Variants in AMIGO3 observed in about 807,000 individuals in gnomAD.
AMIGO3 encodes adhesion molecule with Ig like domain 3.
AMIGO3 carries 6 observed loss-of-function variants against 4.3 expected under a neutral mutation model. That is an observed-to-expected ratio of 1.39 (90% CI 0.76 to 2.75). The LOEUF is 2.75. Among genes scored for constraint, AMIGO3 ranks in the 30% most tolerant of loss-of-function variants. The pLI, the probability that AMIGO3 is intolerant of heterozygous loss-of-function variation, is 0.00. For missense variants in AMIGO3, 771 were observed against 692.1 expected (o/e 1.11, Z -1.28); for synonymous variants, 315 against 320.0 (o/e 0.98, Z 0.17).
In AMIGO3 at chr3:49,719,307, C is replaced by A; in HGVS notation, c.159G>T (p.Gln53His). 2.5e-6 allele frequency: 4 copies of A among 1,613,252 alleles called. No individual in the cohort carries two copies. Among genetic ancestry groups the A allele is most frequent in the Non-Finnish European group, 3.4e-6 (4 of 1,180,014 alleles). The part of the protein sequence containing the change: ...DLLSCTGLGL[Q>H]DVPAELPAAT... ...CGGCAGGTAACTCGGCTGGCACGTCCTGCAGCCCTAGGCCAGTGCAGCTTA... is the reference window on the plus strand; with the variant it reads ...CGGCAGGTAACTCGGCTGGCACGTCATGCAGCCCTAGGCCAGTGCAGCTTA... Residue 53 changes from glutamine (Q) to histidine (H), a missense_variant, in exon 1 of 1, where the codon CAG becomes CAT. By Grantham distance (24) the Gln-to-His change is conservative. Coordinates refer to ENST00000320431, the MANE Select transcript of AMIGO3 (RefSeq NM_198722.3).
chr3:49,718,596 C>T lies in AMIGO3; in HGVS notation c.870G>A (p.Ala290=), dbSNP rs1405133501. ...GLERPEEHLY[A]LVGRSLRLYC... ...AAAGCCTCAGGGACCGACCCACCAG[C>T]GCGTACAGGTGCTCTTCCGGCCGCT... The change falls in exon 1 of 1, where the codon GCG becomes GCA. Residue 290 remains alanine (A), a synonymous_variant. Transcript: ENST00000320431. The T allele has an allele frequency of 1.2e-6, 2 of 1,613,024 alleles. No individual in the cohort carries two copies. Among genetic ancestry groups the T allele is most frequent in the Non-Finnish European group, 1.7e-6 (2 of 1,179,962 alleles).
chr3:49,717,703 A>T lies in AMIGO3; in HGVS notation c.*248T>A, dbSNP rs1403629936. The T allele has an allele frequency of 3.3e-5, 19 of 582,938 alleles. No homozygotes were observed. The South Asian group carries it at 3.8e-4, about 12-fold the overall frequency. 36.1% of individuals were successfully genotyped at this position (582,938 alleles called of 1,614,324 possible). ...CTAGGAAGTCCGCGGGAAAGCAGGA[A>T]CTAGCACACCTTGCAGGGCCTGGGG... is the stretch of plus-strand genomic sequence containing the variant. On this transcript the variant is annotated 3_prime_UTR_variant, in exon 1 of 1. Coordinates refer to ENST00000320431, the MANE Select transcript of AMIGO3 (RefSeq NM_198722.3).
rs998577535 is a variant in AMIGO3 at position 49,719,636 on chromosome 3, G to A, written c.-171C>T. ...TACTCTCCGGTTCCCAGGTTGTGAG[G>A]CGGTGCGGCACTCTTAGCCGCGCTC... On this transcript the variant is annotated 5_prime_UTR_variant, in exon 1 of 1. Coordinates refer to ENST00000320431, the MANE Select transcript of AMIGO3 (RefSeq NM_198722.3). 3.4e-5 allele frequency: 21 copies of A among 612,824 alleles called. No individual in the cohort carries two copies. The highest frequency in any genetic ancestry group is 6.1e-5 in the Non-Finnish European group (21 of 345,698). The allele number at this position is 612,824 out of a possible 1,614,324, so 38.0% of individuals were successfully genotyped here.
Position 49,719,178 on chromosome 3 carries a change from T to C in AMIGO3, c.288A>G (p.Glu96=), listed in dbSNP as rs1303097771. 14 of 1,613,434 alleles carry C rather than the reference T, an allele frequency of 8.7e-6. No individual in the cohort carries two copies. Among genetic ancestry groups the C allele is most frequent in the African/African-American group, 2.7e-5 (2 of 75,028 alleles). Residue 96 remains glutamate, a synonymous_variant, in exon 1 of 1, where the codon GAA becomes GAG. Coordinates refer to ENST00000320431, the MANE Select transcript of AMIGO3 (RefSeq NM_198722.3). The part of the protein sequence containing the change: ...QLRALHLDHN[E]LDALGRGVFV... ...AGACGCCGCGACCCAGCGCATCTAGTTCGTTGTGGTCTAGGTGCAGGGCGC... is the reference window on the plus strand; with the variant it reads ...AGACGCCGCGACCCAGCGCATCTAGCTCGTTGTGGTCTAGGTGCAGGGCGC...
At position 49,718,801 on chromosome 3, in the gene AMIGO3, G is replaced by A; in HGVS notation, c.665C>T (p.Pro222Leu). 1.2e-6 allele frequency: 2 copies of A among 1,613,226 alleles called. No homozygotes were observed. Among genetic ancestry groups the A allele is most frequent in the Non-Finnish European group, 1.7e-6 (2 of 1,179,950 alleles). ...CAGGTGGTAGAGGCGGCAGTCGCAA[G>A]GCAAAGGGTTGTTGTGCAAGTAGAG... is the stretch of plus-strand genomic sequence containing the variant. ...NGLYLHNNPL[P>L]CDCRLYHLLQ... Residue 222 changes from proline (P) to leucine (L), a missense_variant, in exon 1 of 1, where the codon CCT (proline) becomes CTT (leucine). Coordinates refer to ENST00000320431, the MANE Select transcript of AMIGO3 (RefSeq NM_198722.3).
Position 49,718,742 on chromosome 3 carries a change from C to A in AMIGO3, c.724G>T (p.Val242Leu). The A allele has an allele frequency of 6.2e-7, 1 of 1,613,074 alleles. No individual in the cohort carries two copies. The highest frequency in any genetic ancestry group is 2.2e-5 in the East Asian group (1 of 44,870). Residue 242 changes from valine (V) to leucine (L), a missense_variant, in exon 1 of 1, where the codon GTG (valine) becomes TTG (leucine). Transcript: ENST00000320431. ...ACGTACTCGCGCGCAAAGTCGCGCA[C>A]GGCGCTCAGGCCCCGCTGGTGCCAG... ...QRWHQRGLSA[V>L]RDFAREYVCL...
Position 49,719,365 on chromosome 3 carries a change from C to T in AMIGO3, c.101G>A (p.Cys34Tyr), listed in dbSNP as rs1269360142. 1.2e-6 allele frequency: 2 copies of T among 1,613,438 alleles called. No homozygotes were observed. Among genetic ancestry groups the T allele is most frequent in the Non-Finnish European group, 1.7e-6 (2 of 1,180,042 alleles). Residue 34 changes from cysteine (C) to tyrosine (Y), a missense_variant, in exon 1 of 1, where the codon TGC (cysteine) becomes TAC (tyrosine). Physicochemically the swap from Cys to Tyr is radical, Grantham distance 194. Coordinates refer to ENST00000320431, the MANE Select transcript of AMIGO3 (RefSeq NM_198722.3). ...EGFPPRALHN[C>Y]PYKCICAADL... ...GGCAGCGCAGATACATTTGTAGGGG[C>T]AGTTGTGGAGCGCACGGGGCGGGAA...
chr3:49,717,995 C>G lies in AMIGO3; in HGVS notation c.1471G>C (p.Glu491Gln). Residue 491 changes from glutamate (E) to glutamine (Q), a missense_variant, in exon 1 of 1, where the codon GAG becomes CAG. Glu to Gln is a conservative substitution (Grantham distance 29). Coordinates refer to ENST00000320431, the MANE Select transcript of AMIGO3 (RefSeq NM_198722.3). ...PGGLQLKAGS[E>Q]SASSIGSEGP... ...TCGGAGCCTATGGAGCTGGCGGACT[C>G]AGAGCCAGCCTTCAGCTGCAGGCCT... 6.2e-7 allele frequency: 1 copy of G among 1,613,644 alleles called. No individual in the cohort carries two copies.
Position 49,719,380 on chromosome 3 carries a change from C to CG in AMIGO3, c.85dup (p.Arg29ProfsTer91). The CG allele has an allele frequency of 6.2e-7, 1 of 1,613,602 alleles. No individual in the cohort carries two copies. Among genetic ancestry groups the CG allele is most frequent in the Non-Finnish European group, 8.5e-7 (1 of 1,180,032 alleles). On this transcript the variant is annotated frameshift_variant, in exon 1 of 1. Coordinates refer to ENST00000320431, the MANE Select transcript of AMIGO3 (RefSeq NM_198722.3). LOFTEE classifies it low-confidence loss of function (END_TRUNC). Reference sequence around the variant, plus strand: ...TTTGTAGGGGCAGTTGTGGAGCGCACGGGGCGGGAAACCCTCGGAGTCCGG... The same window carrying CG: ...TTTGTAGGGGCAGTTGTGGAGCGCACGGGGGCGGGAAACCCTCGGAGTCCGG...
chr3:49,716,909 G>GC lies in AMIGO3; in HGVS notation c.*1041dup. On this transcript the variant is annotated 3_prime_UTR_variant, in exon 1 of 1. Transcript: ENST00000320431. ...AGCGAGGTCCAGGATGGCCATGGGG[G>GC]CCCCCAGCTCGGCCCCCACACATGA... 1 of 162,684 alleles carries GC rather than the reference G, an allele frequency of 6.1e-6. No homozygotes were observed. Among genetic ancestry groups the GC allele is most frequent in the Non-Finnish European group, 1.4e-5 (1 of 73,744 alleles). 10.1% of individuals were successfully genotyped at this position (162,684 alleles called of 1,614,324 possible).
Position 49,719,347 on chromosome 3 carries a change from C to A in AMIGO3, c.119G>T (p.Cys40Phe). ...ALHNCPYKCI[C>F]AADLLSCTGL... is the part of the protein sequence containing the mutation. ...AGTGCAGCTTAGCAGGTCGGCAGCG[C>A]AGATACATTTGTAGGGGCAGTTGTG... Residue 40 changes from cysteine (C) to phenylalanine (F), a missense_variant, in exon 1 of 1, where the codon TGC becomes TTC. Transcript: ENST00000320431. 6.2e-7 allele frequency: 1 copy of A among 1,613,450 alleles called. No individual in the cohort carries two copies. The highest frequency in any genetic ancestry group is 8.5e-7 in the Non-Finnish European group (1 of 1,180,034).
Position 49,716,932 on chromosome 3 carries a change from T to C in AMIGO3, c.*1019A>G, listed in dbSNP as rs1235817120. On this transcript the variant is annotated 3_prime_UTR_variant, in exon 1 of 1. Transcript: ENST00000320431. ...GGGCCCCCAGCTCGGCCCCCACACATGAAGGGCTCCCAGACCCCCCTTCCC... is the reference window on the plus strand; with the variant it reads ...GGGCCCCCAGCTCGGCCCCCACACACGAAGGGCTCCCAGACCCCCCTTCCC... 6.2e-6 allele frequency: 1 copy of C among 161,818 alleles called. No homozygotes were observed. Among genetic ancestry groups the C allele is most frequent in the Non-Finnish European group, 1.4e-5 (1 of 73,084 alleles). 10.0% of individuals were successfully genotyped at this position (161,818 alleles called of 1,614,324 possible). A position where few individuals can be genotyped will look rare whatever the true frequency, so the allele number is the denominator to read the frequency against.
chr3:49,718,515 C>T lies in AMIGO3; in HGVS notation c.951G>A (p.Glu317=), dbSNP rs138809316. The T allele has an allele frequency of 6.2e-6, 10 of 1,613,154 alleles. No individual in the cohort carries two copies. In the East Asian group the frequency reaches 8.9e-5, roughly 14 times the overall value. Residue 317 remains glutamate (E), a synonymous_variant, in exon 1 of 1, where the codon GAG becomes GAA. Transcript: ENST00000320431. ...MRIAWVSPQQ[E]LLRAPGSRDG... ...CGCGGGATCCTGGCGCCCTGAGAAGCTCCTGCTGCGGCGAAACCCAGGCAA... is the reference window on the plus strand; with the variant it reads ...CGCGGGATCCTGGCGCCCTGAGAAGTTCCTGCTGCGGCGAAACCCAGGCAA...
chr3:49,717,765 G>C lies in AMIGO3; in HGVS notation c.*186C>G. ...TGTGCAGGGGCAGAGCAGAAGGCAGGTTGGGGACCACAACCCCTGTCTCTA... is the reference window on the plus strand; with the variant it reads ...TGTGCAGGGGCAGAGCAGAAGGCAGCTTGGGGACCACAACCCCTGTCTCTA... On this transcript the variant is annotated 3_prime_UTR_variant, in exon 1 of 1. Coordinates refer to ENST00000320431, the MANE Select transcript of AMIGO3 (RefSeq NM_198722.3). 1.5e-6 allele frequency: 1 copy of C among 674,682 alleles called. No individual in the cohort carries two copies. The highest frequency in any genetic ancestry group is 2.5e-6 in the Non-Finnish European group (1 of 404,982). The allele number at this position is 674,682 out of a possible 1,614,324, so 41.8% of individuals were successfully genotyped here.
chr3:49,718,154 T>C lies in AMIGO3; in HGVS notation c.1312A>G (p.Thr438Ala), dbSNP rs1345010346. 1.2e-6 allele frequency: 2 copies of C among 1,613,202 alleles called. No homozygotes were observed. Among genetic ancestry groups the C allele is most frequent in the Non-Finnish European group, 1.7e-6 (2 of 1,180,028 alleles). ...CGGCTGGGTGCGTCTGGCGGTGTGGTGCTGAGTACTGAGGACTGTGCGCTC... is the reference window on the plus strand; with the variant it reads ...CGGCTGGGTGCGTCTGGCGGTGTGGCGCTGAGTACTGAGGACTGTGCGCTC... ...ELSAQSSVLS[T>A]TPPDAPSRKA... The change falls in exon 1 of 1, where the codon ACC (threonine) becomes GCC (alanine). Residue 438 changes from threonine (T) to alanine (A), a missense_variant. Thr to Ala is a moderately conservative substitution (Grantham distance 58). Coordinates refer to ENST00000320431, the MANE Select transcript of AMIGO3 (RefSeq NM_198722.3).
Position 49,717,545 on chromosome 3 carries a change from C to A in AMIGO3, c.*406G>T. 1 of 239,030 alleles carries A rather than the reference C, an allele frequency of 4.2e-6. No individual in the cohort carries two copies. Among genetic ancestry groups the A allele is most frequent in the South Asian group, 5.5e-5 (1 of 18,118 alleles). 14.8% of individuals were successfully genotyped at this position (239,030 alleles called of 1,614,324 possible). On this transcript the variant is annotated 3_prime_UTR_variant, in exon 1 of 1. Transcript: ENST00000320431. ...CCACTCCTCGAGAGCTGTCTCAGCC[C>A]CTGAGGGTGGACGGGAGGCTCTGCT...
chr3:49,718,843 G>C lies in AMIGO3; in HGVS notation c.623C>G (p.Ala208Gly). 6.2e-7 allele frequency: 1 copy of C among 1,613,458 alleles called. No homozygotes were observed. Among genetic ancestry groups the C allele is most frequent in the Non-Finnish European group, 8.5e-7 (1 of 1,180,046 alleles). ...ISVPELAALP[A>G]FLKNGLYLHN... Reference sequence around the variant, plus strand: ...CAAGTAGAGGCCGTTCTTGAGGAAGGCCGGCAGCGCGGCCAGCTCAGGTAC... The same window carrying C: ...CAAGTAGAGGCCGTTCTTGAGGAAGCCCGGCAGCGCGGCCAGCTCAGGTAC... The change falls in exon 1 of 1, where the codon GCC becomes GGC. Residue 208 changes from alanine (A) to glycine (G), a missense_variant. Coordinates refer to ENST00000320431, the MANE Select transcript of AMIGO3 (RefSeq NM_198722.3).
At position 49,719,650 on chromosome 3, in the gene AMIGO3, T is replaced by C. The variant is rs2080344600; in HGVS notation, c.-185A>G. ...CAGGTTGTGAGGCGGTGCGGCACTC[T>C]TAGCCGCGCTCCCTTCGGCTTCGCT... On this transcript the variant is annotated 5_prime_UTR_variant, in exon 1 of 1. Transcript: ENST00000320431. 6.8e-6 allele frequency: 4 copies of C among 584,752 alleles called. No homozygotes were observed. Among genetic ancestry groups the C allele is most frequent in the South Asian group, 4.5e-5 (2 of 44,704 alleles). The allele number at this position is 584,752 out of a possible 1,614,324, so 36.2% of individuals were successfully genotyped here.
chr3:49,718,038 G>T lies in AMIGO3; in HGVS notation c.1428C>A (p.Phe476Leu). 1 of 1,613,688 alleles carries T rather than the reference G, an allele frequency of 6.2e-7. No individual in the cohort carries two copies. Among genetic ancestry groups the T allele is most frequent in the South Asian group, 1.1e-5 (1 of 91,086 alleles). ...GRVQLAVAEE[F>L]DLYNPGGLQL... is the part of the protein sequence containing the mutation. ...GCAGGCCTCCAGGGTTGTAGAGATC[G>T]AATTCCTCAGCTACTGCCAGCTGCA... Residue 476 changes from phenylalanine (F) to leucine (L), a missense_variant, in exon 1 of 1, where the codon TTC (phenylalanine) becomes TTA (leucine). Physicochemically the swap from Phe to Leu is conservative, Grantham distance 22. Transcript: ENST00000320431.
Sources: allele counts gnomAD v4.1 joint callset, GRCh38; gene constraint gnomAD v4.1.1; transcripts MANE v1.5; gene names NCBI Gene and HGNC (gene_info 2026-07-23, HGNC 2026-07-21).